USP25: variants seen among roughly 807,000 people sequenced by gnomAD.
USP25 encodes the protein ubiquitin specific peptidase 25.
Under a neutral mutation model 158.5 loss-of-function variants are expected in USP25, and 85 were observed. The observed-to-expected ratio is 0.54, with a 90% CI of 0.45 to 0.64. The LOEUF is 0.64. Ranked by LOEUF, USP25 falls within the 30% of genes least tolerant of loss-of-function variation. The probability of loss-of-function intolerance (pLI) is 0.00; values close to 1 mark genes in which losing one functional copy is unlikely to be tolerated. For synonymous variants in USP25, 464 were observed against 460.4 expected, an observed-to-expected ratio of 1.01 and a Z score of -0.10; for missense variants, 1,242 against 1,327.3, an observed-to-expected ratio of 0.94 and a Z score of 1.00.
At chr21:15,798,832 T>C (rs2035990769) in intron 5 of USP25, among the ~76,000 whole-genome samples, 1 of 151,272 alleles carries the variant, frequency 6.6e-6, no homozygotes, top group South Asian at 2.1e-4. Flanking sequence ...TACCCAACTG[T>C]TGATCAAAAC....
rs1407861152 is a variant in USP25 at position 15,763,303 on chromosome 21, G to A, written c.123+335G>A. ...TAGAGTTTAAATGAGGGTTCAAGGT[G>A]GGGTGTATTAGAGGATGAGGTGTAA... On this transcript the variant is annotated intron_variant, in intron 2 of 25. Transcript: ENST00000400183. Among the ~76,000 whole-genome samples, 8 of 152,036 alleles carry A rather than the reference G, an allele frequency of 5.3e-5. No individual in the cohort carries two copies. The East Asian group carries it at 1.5e-3, about 29-fold the overall frequency.
At chr21:15,788,297 A>G (rs2035407477) in intron 4 of USP25, among the ~76,000 whole-genome samples, 1 of 151,966 alleles carries the variant, frequency 6.6e-6, no homozygotes, top group Admixed American at 6.6e-5. Flanking sequence ...TTGCTTTATA[A>G]AAAGTTTGGA....
rs2039560902 is a variant in USP25 at position 15,864,283 on chromosome 21, T to C, written c.2563T>C (p.Tyr855His). The C allele has an allele frequency of 6.3e-7, 1 of 1,597,060 alleles. No homozygotes were observed. The highest frequency in any genetic ancestry group is 8.5e-7 in the Non-Finnish European group (1 of 1,175,502). The change falls in exon 21 of 26, where the codon TAT (tyrosine) becomes CAT (histidine). Residue 855 changes from tyrosine (Y) to histidine (H), a missense_variant. This residue lies in a region of USP25 where 608 missense variants were observed against 605.2 expected (regional missense o/e 1.00). Coordinates refer to ENST00000400183, the MANE Select transcript of USP25 (RefSeq NM_001283041.3). ...CATTTTCCAGGCAATTAAGTTGGAA[T>C]ATGCAAGGTTGGTTAAGTTGGCCCA... ...AGFFKAIKLE[Y>H]ARLVKLAQED...
At chr21:15,769,153 A>G (rs1364914818) in intron 3 of USP25, among the ~76,000 whole-genome samples, 6 of 152,064 alleles carry the variant, frequency 3.9e-5, no homozygotes, top group African/African-American at 1.4e-4. Flanking sequence ...TCAGAGGCTA[A>G]ACTATATTAT....
chr21:15,788,073 A>C (rs532856081), intron 4 of USP25, among the ~76,000 whole-genome samples: 1 of 152,004 alleles, frequency 6.6e-6, no homozygotes, highest in South Asian at 2.1e-4. Context: ...AATTTTGAGA[A>C]GATAAAGCAA....
chr21:15,766,736 A>C lies in USP25; in HGVS notation c.268+595A>C, dbSNP rs148081739. Among the ~76,000 whole-genome samples, 1 of 152,090 alleles carries C rather than the reference A, an allele frequency of 6.6e-6. No individual in the cohort carries two copies. The highest frequency in any genetic ancestry group is 1.5e-5 in the Non-Finnish European group (1 of 67,960). On this transcript the variant is annotated intron_variant, in intron 3 of 25. Coordinates refer to ENST00000400183, the MANE Select transcript of USP25 (RefSeq NM_001283041.3). The surrounding 1 kb of genome is among the most constrained non-coding windows in gnomAD (Gnocchi z 4.0). ...TTCATAATATGAATACTTTATACTTATGTAGCGCACAGTTTTTCAAACTAT... is the reference window on the plus strand; with the variant it reads ...TTCATAATATGAATACTTTATACTTCTGTAGCGCACAGTTTTTCAAACTAT...
chr21:15,773,610 A>G (rs546208591), intron 3 of USP25, among the ~76,000 whole-genome samples: 43 of 152,210 alleles, frequency 2.8e-4, no homozygotes, highest in Non-Finnish European at 5.9e-4. Context: ...ACCATTTTCA[A>G]TTATGATTTG....
chr21:15,738,407 T>G (rs1456642331), intron 1 of USP25, among the ~76,000 whole-genome samples: 1 of 152,224 alleles, frequency 6.6e-6, no homozygotes, highest in Admixed American at 6.5e-5. Flanking sequence ...TGATACAGGA[T>G]GAGCAGGATA....
At chr21:15,824,561 CCTGT>C (rs1489110726) in intron 11 of USP25, among the ~76,000 whole-genome samples, 6 of 146,116 alleles carry the variant, frequency 4.1e-5, no homozygotes, top group East Asian at 1.9e-4. Flanking sequence ...TTCCTGTTTT[CCTGT>C]CTTTCTTTCT....
At chr21:15,753,201 C>T (rs1461475410) in intron 1 of USP25, among the ~76,000 whole-genome samples, 1 of 152,032 alleles carries the variant, frequency 6.6e-6, no homozygotes, top group African/African-American at 2.4e-5. Flanking sequence ...AGGTAGGTCA[C>T]GTGTTATGGT....
intron 16 of USP25, 79 bp downstream of exon 16, chr21:15,831,708 A>T: frequency 8.6e-7 from 1 of 1,159,826 alleles, no homozygotes; most frequent in Non-Finnish European, 1.3e-6. Context: ...AGTTAAGTGT[A>T]ATTCACTCAG....
chr21:15,808,886 G>C lies in USP25; in HGVS notation c.857+1G>C. 1 of 1,605,722 alleles carries C rather than the reference G, an allele frequency of 6.2e-7. No homozygotes were observed. The highest frequency in any genetic ancestry group is 8.5e-7 in the Non-Finnish European group (1 of 1,176,488). On this transcript the variant is annotated splice_donor_variant, in intron 8 of 25. Coordinates refer to ENST00000400183, the MANE Select transcript of USP25 (RefSeq NM_001283041.3). LOFTEE classifies it high-confidence loss of function. ...TCCAAATGAAAGCTGAAGAGGAGACGTAAGTTACCGTGAAGTTTAGCAATG... is the reference window on the plus strand; with the variant it reads ...TCCAAATGAAAGCTGAAGAGGAGACCTAAGTTACCGTGAAGTTTAGCAATG...
chr21:15,856,518 C>T (rs558493360), intron 20 of USP25, among the ~76,000 whole-genome samples: 1 of 151,906 alleles, frequency 6.6e-6, no homozygotes, highest in South Asian at 2.1e-4. Flanking sequence ...GTCGCCCAGG[C>T]TGGAGTGCAG....
At chr21:15,742,821 C>G (rs2123233521) in intron 1 of USP25, among the ~76,000 whole-genome samples, 1 of 152,358 alleles carries the variant, frequency 6.6e-6, no homozygotes, top group African/African-American at 2.4e-5. Flanking sequence ...CTGCTCGGCC[C>G]AGCAGGGTGC....
chr21:15,845,409 C>G (rs537364913), intron 18 of USP25, among the ~76,000 whole-genome samples: 1 of 152,118 alleles, frequency 6.6e-6, no homozygotes, highest in South Asian at 2.1e-4. Flanking sequence ...CCCTTAAATT[C>G]TTTACATGGA....
intron 10 of USP25, among the ~76,000 whole-genome samples, chr21:15,822,035 AT>A (rs1164837697): frequency 6.6e-6 from 1 of 151,936 alleles, no homozygotes; most frequent in African/African-American, 2.4e-5. Flanking sequence ...AAATAATAAT[AT>A]GTTTAGAGAT....
rs2096678388 is a variant in USP25, at chr21:15,762,916, T to TGA, written c.76_77dup (p.Ile27LysfsTer15). The TGA allele has an allele frequency of 6.2e-7, 1 of 1,612,956 alleles. No individual in the cohort carries two copies. The highest frequency in any genetic ancestry group is 1.3e-5 in the African/African-American group (1 of 74,944). On this transcript the variant is annotated frameshift_variant, in exon 2 of 26. Transcript: ENST00000400183. LOFTEE classifies it high-confidence loss of function. ...CACCAGCAGACGTTTTTGAATCAACTGAGAGAAATTACGGGGATTAATGAC... is the reference window on the plus strand; with the variant it reads ...CACCAGCAGACGTTTTTGAATCAACTGAGAGAGAAATTACGGGGATTAATGAC...
Position 15,878,309 on chromosome 21 carries a change from T to C in USP25, c.3212T>C (p.Leu1071Pro), listed in dbSNP as rs1300529664. Residue 1071 changes from leucine to proline, a missense_variant, in exon 26 of 26, where the codon CTC (leucine) becomes CCC (proline). This residue lies in a region of USP25 where 608 missense variants were observed against 605.2 expected (regional missense o/e 1.00). Coordinates refer to ENST00000400183, the MANE Select transcript of USP25 (RefSeq NM_001283041.3). Reference protein sequence around the residue: ...SYLGQEMEPHLQEKLTDFLPK... With the variant: ...SYLGQEMEPHPQEKLTDFLPK... ...TAATTGTTTGTATTTGCAGCACACC[T>C]CCAAGAAAAGCTGACAGATTTTTTG... 1 of 1,611,668 alleles carries C rather than the reference T, an allele frequency of 6.2e-7. No homozygotes were observed. The highest frequency in any genetic ancestry group is 1.7e-5 in the Admixed American group (1 of 59,702).
chr21:15,856,532 C>G (rs988174212), intron 20 of USP25, among the ~76,000 whole-genome samples: 3 of 151,332 alleles, frequency 2.0e-5, no homozygotes, highest in Non-Finnish European at 2.9e-5. Flanking sequence ...AGTGCAGTGG[C>G]GCAGTCTCGG....
Sources: gnomAD v4.1 joint callset for allele counts (sites outside exome capture counted in the v4.1 genomes callset) on GRCh38, gnomAD v4.1.1 for gene constraint, gnomAD v4.1.1 regional missense constraint, Gnocchi (gnomAD v3.1) non-coding constraint, MANE v1.5 for transcripts, NCBI Gene and HGNC (gene_info 2026-07-23, HGNC 2026-07-21) for gene names.